Variants in MTHFD1 observed in about 807,000 individuals in gnomAD.
MTHFD1 encodes methylenetetrahydrofolate dehydrogenase, cyclohydrolase and formyltetrahydrofolate synthetase 1.
Under a neutral mutation model 110.3 loss-of-function variants are expected in MTHFD1, and 44 were observed. The ratio of observed to expected loss-of-function variants is 0.40; its 90% CI spans 0.31 to 0.51. The LOEUF (loss-of-function observed/expected upper bound fraction) is 0.51. MTHFD1 is among the 20% of genes least tolerant of loss of function. The pLI, the probability that MTHFD1 is intolerant of heterozygous loss-of-function variation, is 0.60. For synonymous variants in MTHFD1, 402 were observed against 428.8 expected (o/e 0.94, Z 0.77); for missense variants, 909 against 1,173.1 (o/e 0.77, Z 3.29).
intron 17 of MTHFD1, 60 bp downstream of exon 17, chr14:64,439,232 C>A: frequency 2.5e-6 from 3 of 1,218,736 alleles, no homozygotes; most frequent in South Asian, 1.2e-5. Context: ...TGCTGCTTCT[C>A]TCCTCCTCCA....
chr14:64,405,766 C>T (rs1158755765), intron 2 of MTHFD1, among the ~76,000 whole-genome samples: 1 of 152,092 alleles, frequency 6.6e-6, no homozygotes, highest in African/African-American at 2.4e-5. Flanking sequence ...ACTGCAATTG[C>T]AATCCTTGTT....
chr14:64,415,049 G>T (rs143974508), intron 4 of MTHFD1, among the ~76,000 whole-genome samples: 62 of 152,050 alleles, frequency 4.1e-4, no homozygotes, highest in African/African-American at 1.4e-3. Context: ...TGTCCAGGCT[G>T]GTCTTGAACT....
At chr14:64,441,775 A>C (rs568254591) in intron 19 of MTHFD1, 29 of 559,200 alleles carry the variant, frequency 5.2e-5, no homozygotes, top group East Asian at 1.3e-4. Flanking sequence ...TGCACTCCAG[A>C]CTGGGCGACA....
chr14:64,425,518 C>T (rs1176680848), intron 9 of MTHFD1, among the ~76,000 whole-genome samples: 2 of 152,048 alleles, frequency 1.3e-5, no homozygotes, highest in African/African-American at 4.8e-5. Flanking sequence ...GCCTGTTTTC[C>T]CTTTCTAACA....
chr14:64,443,577 G>A (rs1441229555), intron 21 of MTHFD1, among the ~76,000 whole-genome samples: 2 of 152,092 alleles, frequency 1.3e-5, no homozygotes, highest in East Asian at 1.9e-4. Flanking sequence ...TTGGGTCCCC[G>A]GAGCACACTG....
intron 21 of MTHFD1, among the ~76,000 whole-genome samples, chr14:64,444,390 G>GC (rs1361717472): frequency 2.0e-5 from 3 of 151,844 alleles, no homozygotes; most frequent in African/African-American, 4.8e-5. Flanking sequence ...CACTGCTATG[G>GC]CCTTCACTCG....
chr14:64,451,618 A>T (rs2078373929), intron 24 of MTHFD1, among the ~76,000 whole-genome samples: 1 of 152,250 alleles, frequency 6.6e-6, no homozygotes, highest in Non-Finnish European at 1.5e-5. Context: ...AATGCATAGC[A>T]CCCAAGGCTG....
intron 2 of MTHFD1, among the ~76,000 whole-genome samples, chr14:64,406,573 G>C (rs985529864): frequency 6.8e-6 from 1 of 146,362 alleles, no homozygotes; most frequent in African/African-American, 2.5e-5. Flanking sequence ...GTTCATTGCA[G>C]CCTGGATCTC....
intron 2 of MTHFD1, among the ~76,000 whole-genome samples, 195 bp from the exon 3 acceptor site, chr14:64,410,894 AG>A (rs1324202840): frequency 6.6e-6 from 1 of 152,094 alleles, no homozygotes; most frequent in Non-Finnish European, 1.5e-5. Flanking sequence ...GGCCTTGTTT[AG>A]GGGAGGGGCT....
chr14:64,456,684 A>G (rs984797939), intron 26 of MTHFD1, among the ~76,000 whole-genome samples: 4 of 152,120 alleles, frequency 2.6e-5, no homozygotes, highest in African/African-American at 9.7e-5. Flanking sequence ...CCTCTCTCCT[A>G]CTTGTCTCAC....
In MTHFD1 at chr14:64,423,936, C is replaced by T. The variant is rs535076806; in HGVS notation, c.728-868C>T. ...CAGAGACGGGGTTTCACTGTGTTAG[C>T]CAGGATGGTCTTGATCTCCTGATCT... On this transcript the variant is annotated intron_variant, in intron 8 of 27. Coordinates refer to ENST00000652337, the MANE Select transcript of MTHFD1 (RefSeq NM_005956.4). 3.3e-5 allele frequency among the ~76,000 whole-genome samples: 5 copies of T among 151,524 alleles called. No homozygotes were observed. In the South Asian group the frequency reaches 8.4e-4, roughly 25 times the overall value.
chr14:64,396,135 T>A (rs2077846917), intron 1 of MTHFD1, among the ~76,000 whole-genome samples: 2 of 152,058 alleles, frequency 1.3e-5, no homozygotes, highest in African/African-American at 2.4e-5. Flanking sequence ...ATTATAATAA[T>A]TTTTTTAGTA....
At chr14:64,428,814 T>C (rs1407439366) in intron 12 of MTHFD1, among the ~76,000 whole-genome samples, 1 of 149,080 alleles carries the variant, frequency 6.7e-6, no homozygotes, top group African/African-American at 2.5e-5. Flanking sequence ...GGCCTCCCAA[T>C]GTGCTGGGAT....
At chr14:64,430,304 CT>C (rs1018964880) in intron 13 of MTHFD1, 74 bp downstream of exon 13, 39 of 1,356,870 alleles carry the variant, frequency 2.9e-5, no homozygotes, top group Non-Finnish European at 3.4e-5. Flanking sequence ...AATTAGCTCC[CT>C]TTTTTTCCCC....
chr14:64,425,234 C>T (rs1230714294), intron 9 of MTHFD1, among the ~76,000 whole-genome samples: 7 of 129,742 alleles, frequency 5.4e-5, no homozygotes, highest in Non-Finnish European at 9.5e-5. Flanking sequence ...TTTTTTGAGA[C>T]GGAGTTTTGC....
At chr14:64,441,866 A>G (rs1005606655) in intron 19 of MTHFD1, 188 bp from the exon 20 acceptor site, 8 of 665,168 alleles carry the variant, frequency 1.2e-5, no homozygotes, top group Middle Eastern at 3.4e-4. Flanking sequence ...CCACTTGCTC[A>G]TCTCTTTCTT....
intron 1 of MTHFD1, among the ~76,000 whole-genome samples, chr14:64,400,143 C>G (rs1052139233): frequency 2.6e-5 from 4 of 151,408 alleles, no homozygotes; most frequent in Non-Finnish European, 5.9e-5. Flanking sequence ...AATCCCAGCA[C>G]TTTGGGAAGC....
At chr14:64,406,132 G>A (rs2077934301) in intron 2 of MTHFD1, among the ~76,000 whole-genome samples, 2 of 151,160 alleles carry the variant, frequency 1.3e-5, no homozygotes, top group Admixed American at 6.6e-5. Flanking sequence ...TCCACCTCCT[G>A]GGTTCAAGTG....
chr14:64,438,187 T>C lies in MTHFD1; in HGVS notation c.1598-909T>C, dbSNP rs557682697. On this transcript the variant is annotated intron_variant, in intron 16 of 27. Transcript: ENST00000652337. ...CTGTGCCCGGCCTGTTCAAGAGTTT[T>C]ATACACCCCTAACACCTTACCCAGA... is the stretch of plus-strand genomic sequence containing the variant. 3.3e-5 allele frequency among the ~76,000 whole-genome samples: 5 copies of C among 152,322 alleles called. No homozygotes were observed. The South Asian group carries it at 1.0e-3, about 32-fold the overall frequency.
Sources: allele counts gnomAD v4.1 joint callset (sites outside exome capture counted in the v4.1 genomes callset), GRCh38; gene constraint gnomAD v4.1.1; transcripts MANE v1.5; gene names NCBI Gene and HGNC (gene_info 2026-07-23, HGNC 2026-07-21).